The following CSMD1 variants were observed in gnomAD, a reference collection of about 807,000 sequenced individuals.
CSMD1 encodes CUB and sushi domain-containing protein 1.
Under a neutral mutation model 417.5 loss-of-function variants are expected in CSMD1, and 213 were observed. The observed-to-expected ratio is 0.51, with a 90% CI of 0.46 to 0.57. CSMD1 has a LOEUF of 0.57. Ranked by LOEUF, CSMD1 falls within the 20% of genes least tolerant of loss-of-function variation. The pLI, the probability that CSMD1 is intolerant of heterozygous loss-of-function variation, is 0.00. For missense variants in CSMD1, 6,923 were observed against 4,529.7 expected (o/e 1.53, Z -15.17); for synonymous variants, 2,862 against 1,736.8 (o/e 1.65, Z -16.11).
intron 5 of CSMD1, among the ~76,000 whole-genome samples, chr8:3,783,561 C>A (rs1185849679): frequency 6.6e-6 from 1 of 152,184 alleles, no homozygotes; most frequent in East Asian, 1.9e-4. Flanking sequence ...GGAGGAAGCA[C>A]CACCTGGCAC....
chr8:4,855,626 T>C (rs1331761552), intron 1 of CSMD1, among the ~76,000 whole-genome samples: 1 of 152,138 alleles, frequency 6.6e-6, no homozygotes, highest in Non-Finnish European at 1.5e-5. Context: ...TGCAGAAGCC[T>C]CTGGAGCCAA....
rs181717385 is a variant in CSMD1 at position 3,181,228 on chromosome 8, T to A, written c.5621-14A>T. 1.9e-6 allele frequency: 3 copies of A among 1,566,726 alleles called. No homozygotes were observed. The East Asian group carries it at 6.7e-5, about 35-fold the overall frequency. On this transcript the variant is annotated splice_polypyrimidine_tract_variant and intron_variant, in intron 36 of 69. Transcript: ENST00000635120. ...GTACTGTGGTGCCTGTAAGAAACAA[T>A]GCAGATAGAATTGTAACACTACAAA...
chr8:3,187,944 T>C lies in CSMD1; in HGVS notation c.5545A>G (p.Thr1849Ala), dbSNP rs1796162830. 1.2e-6 allele frequency: 2 copies of C among 1,613,192 alleles called. No individual in the cohort carries two copies. Among genetic ancestry groups the C allele is most frequent in the Admixed American group, 1.7e-5 (1 of 59,918 alleles). The change falls in exon 36 of 70, where the codon ACG becomes GCG. Residue 1849 changes from threonine to alanine, a missense_variant. Thr to Ala is a moderately conservative substitution (Grantham distance 58). Coordinates refer to ENST00000635120, the MANE Select transcript of CSMD1 (RefSeq NM_033225.6). ...GIQIQVISFA[T>A]EQNWDSLEIH... ...TCAAGGGAGTCCCAGTTCTGCTCCG[T>C]GGCAAAACTGATCACTTGGATCTAC...
At chr8:3,833,863 G>A (rs1057283061) in intron 5 of CSMD1, among the ~76,000 whole-genome samples, 1 of 152,042 alleles carries the variant, frequency 6.6e-6, no homozygotes, top group African/African-American at 2.4e-5. Context: ...CCCAAACTTT[G>A]ATTTGAAGTG....
chr8:3,007,012 G>A (rs1412625877), intron 52 of CSMD1, among the ~76,000 whole-genome samples: 1 of 144,614 alleles, frequency 6.9e-6, no homozygotes, highest in Non-Finnish European at 1.5e-5. Context: ...GAAAATTTTT[G>A]CAACCTACTC....
chr8:3,199,840 AAC>A, intron 32 of CSMD1, 31 bp from the exon 33 acceptor site: 1 of 1,386,426 alleles, frequency 7.2e-7, no homozygotes, highest in Non-Finnish European at 1.0e-6. Flanking sequence ...AGATTCAGAA[AAC>A]ACACAGCACC....
chr8:4,514,212 G>C (rs904675989), intron 2 of CSMD1, among the ~76,000 whole-genome samples: 3 of 152,110 alleles, frequency 2.0e-5, no homozygotes, highest in Non-Finnish European at 4.4e-5. Context: ...AGGCAGAGTA[G>C]GGGATGGGGA....
At chr8:3,323,375 A>G (rs73171161) in intron 23 of CSMD1, among the ~76,000 whole-genome samples, 13,481 of 151,954 alleles carry the variant, frequency 0.089, 790 homozygotes, top group East Asian at 0.2. Flanking sequence ...TTTTACCTTC[A>G]ATAATCTACC....
chr8:4,876,191 C>T (rs1404512673), intron 1 of CSMD1, among the ~76,000 whole-genome samples: 2 of 151,984 alleles, frequency 1.3e-5, no homozygotes, highest in Admixed American at 1.3e-4. Flanking sequence ...CATAAATTTA[C>T]CTAAATATGT....
At chr8:4,980,907 A>AC (rs1810853814) in intron 1 of CSMD1, among the ~76,000 whole-genome samples, 1 of 152,094 alleles carries the variant, frequency 6.6e-6, no homozygotes, top group African/African-American at 2.4e-5. Flanking sequence ...GTCTCGAAAA[A>AC]AAAAAAAACT....
intron 3 of CSMD1, among the ~76,000 whole-genome samples, chr8:4,358,348 G>T (rs1305364126): frequency 6.6e-6 from 1 of 152,168 alleles, no homozygotes; most frequent in South Asian, 2.1e-4. Context: ...CATGAGCTTA[G>T]AATGATTTTA....
At chr8:3,957,878 G>C (rs778372298) in intron 5 of CSMD1, among the ~76,000 whole-genome samples, 6 of 152,160 alleles carry the variant, frequency 3.9e-5, no homozygotes, top group Admixed American at 6.5e-5. Flanking sequence ...GCCGATGTGG[G>C]GCTATCGCTG....
chr8:4,815,948 T>G (rs1352490018), intron 1 of CSMD1, among the ~76,000 whole-genome samples: 1 of 152,052 alleles, frequency 6.6e-6, no homozygotes, highest in African/African-American at 2.4e-5. Context: ...GAAAGTGGAT[T>G]AATATTTGAA....
chr8:3,469,845 A>G (rs942466443), intron 11 of CSMD1, among the ~76,000 whole-genome samples: 1 of 152,174 alleles, frequency 6.6e-6, no homozygotes, highest in Non-Finnish European at 1.5e-5. Context: ...AGAGGAAACT[A>G]TTTCTGTGAA....
chr8:3,704,839 C>A (rs763912833), intron 7 of CSMD1: 2 of 152,308 alleles, frequency 1.3e-5, no homozygotes, highest in Non-Finnish European at 2.9e-5. Context: ...CCTGCACTTG[C>A]TGAACTCTTG....
chr8:3,677,594 G>A (rs1430749339), intron 7 of CSMD1, among the ~76,000 whole-genome samples: 1 of 152,102 alleles, frequency 6.6e-6, no homozygotes, highest in Non-Finnish European at 1.5e-5. Context: ...GAAAGCCTAA[G>A]ATTGGCCCTC....
In CSMD1 at chr8:3,686,055, C is replaced by T. The variant is rs547091554; in HGVS notation, c.1009+22359G>A. On this transcript the variant is annotated intron_variant, in intron 7 of 69. Coordinates refer to ENST00000635120, the MANE Select transcript of CSMD1 (RefSeq NM_033225.6). The stretch of plus-strand genomic sequence containing the variant: ...AACCAACCAATGCTCCTTGCCCCCA[C>T]CCCTCACTATTCTTATCAGCCTCTG... 1.2e-4 allele frequency among the ~76,000 whole-genome samples: 19 copies of T among 152,066 alleles called. No individual in the cohort carries two copies. In the South Asian group the frequency reaches 3.5e-3, roughly 28 times the overall value.
At chr8:4,608,423 G>C (rs1800996128) in intron 2 of CSMD1, among the ~76,000 whole-genome samples, 1 of 152,202 alleles carries the variant, frequency 6.6e-6, no homozygotes, top group South Asian at 2.1e-4. Context: ...TATCTTGAAA[G>C]TGGACTTGAC....
intron 2 of CSMD1, among the ~76,000 whole-genome samples, chr8:4,461,464 C>T (rs1371308681): frequency 6.8e-6 from 1 of 146,052 alleles, no homozygotes; most frequent in Admixed American, 7.0e-5. Flanking sequence ...TCTTAGATAT[C>T]CATTAAAAAC....
Sources: gnomAD v4.1 joint callset for allele counts (sites outside exome capture counted in the v4.1 genomes callset) on GRCh38, gnomAD v4.1.1 for gene constraint, MANE v1.5 for transcripts, NCBI Gene and HGNC (gene_info 2026-07-23, HGNC 2026-07-21) for gene names.